The following GYPB variants were observed in gnomAD, a reference collection of about 807,000 sequenced individuals.
The protein encoded by GYPB is glycophorin-B.
In GYPB, 13 loss-of-function variants were observed where a neutral mutation model predicts 15.3. The observed-to-expected ratio is 0.85, with a 90% CI of 0.55 to 1.35. The LOEUF is 1.35. Ranked by LOEUF, GYPB falls within the 40% of genes most tolerant of loss-of-function variation. The pLI, the probability that GYPB is intolerant of heterozygous loss-of-function variation, is 0.00. For synonymous variants in GYPB, 38 were observed against 36.9 expected (o/e 1.03, Z -0.11); for missense variants, 131 against 108.3 (o/e 1.21, Z -0.93).
At chr4:144,003,901 G>T (rs1287270101) in intron 1 of GYPB, among the ~76,000 whole-genome samples, 2 of 151,370 alleles carry the variant, frequency 1.3e-5, no homozygotes, top group Non-Finnish European at 2.9e-5. Context: ...TTTCCAGCTG[G>T]ATCTACATGC....
rs1727797839 is a variant in GYPB at position 144,004,598 on chromosome 4, T to G, written c.38-3315A>C. Reference sequence around the variant, plus strand: ...CCTTCAAATTAAATAAACCAGCATCTGGTTGAAAAAAAAAAAACACTTATC... The same window carrying G: ...CCTTCAAATTAAATAAACCAGCATCGGGTTGAAAAAAAAAAAACACTTATC... On this transcript the variant is annotated intron_variant, in intron 1 of 4. Transcript: ENST00000502664. Among the ~76,000 whole-genome samples the G allele has an allele frequency of 4.0e-5, 3 of 75,136 alleles. No individual in the cohort carries two copies. The South Asian group carries it at 1.8e-3, about 45-fold the overall frequency. The allele number at this position is 75,136 out of a possible 152,430, so 49.3% of individuals were successfully genotyped here. A position where few individuals can be genotyped will look rare whatever the true frequency, so the allele number is the denominator to read the frequency against.
At chr4:143,999,521 A>G (rs913962321) in intron 2 of GYPB, 72 bp from the exon 3 acceptor site, 3 of 814,766 alleles carry the variant, frequency 3.7e-6, no homozygotes, top group Non-Finnish European at 6.2e-6. Context: ...TTTTGGAATC[A>G]AACTGTTCTG....
At chr4:144,008,380 A>G (rs1184597615) in intron 1 of GYPB, 1 of 455,158 alleles carries the variant, frequency 2.2e-6, no homozygotes, top group Non-Finnish European at 4.4e-6. Flanking sequence ...AGATATAAAG[A>G]TAATAATTCA....
intron 1 of GYPB, among the ~76,000 whole-genome samples, chr4:144,009,912 C>T (rs1728131674): frequency 6.7e-6 from 1 of 149,712 alleles, no homozygotes; most frequent in South Asian, 2.2e-4. Flanking sequence ...TGTACCCGGC[C>T]TATTTTGATT....
chr4:143,998,664 T>C (rs1190060687), intron 3 of GYPB, among the ~76,000 whole-genome samples: 4 of 139,788 alleles, frequency 2.9e-5, no homozygotes, highest in Non-Finnish European at 4.6e-5. Flanking sequence ...AGTGGTTGCA[T>C]TGGGCCAAAA....
rs1727373606 is a variant in GYPB, at chr4:143,997,282, A to C, written c.270+258T>G. 9.1e-6 allele frequency: 3 copies of C among 329,158 alleles called. No individual in the cohort carries two copies. In the South Asian group the frequency reaches 1.2e-4, roughly 13 times the overall value. 20.4% of individuals were successfully genotyped at this position (329,158 alleles called of 1,614,324 possible). On this transcript the variant is annotated intron_variant, in intron 4 of 4. Coordinates refer to ENST00000502664, the MANE Select transcript of GYPB (RefSeq NM_002100.6). ...AATATCCATCAAAATATGTGAAAGC[A>C]AGTTAGACAAAAACTTAGGGAGATC... is the stretch of plus-strand genomic sequence containing the variant.
At chr4:143,995,761 C>A (rs752939607), downstream of GYPB, among the ~76,000 whole-genome samples, 6 of 151,354 alleles carry the variant, frequency 4.0e-5, no homozygotes, top group Non-Finnish European at 8.8e-5. Flanking sequence ...TATCAAAAAT[C>A]TGGTTTTTGA....
At chr4:144,003,109 A>G (rs780845551) in intron 1 of GYPB, among the ~76,000 whole-genome samples, 5 of 151,572 alleles carry the variant, frequency 3.3e-5, no homozygotes, top group Non-Finnish European at 7.3e-5. Flanking sequence ...AAAATTACAG[A>G]AAGACATTTT....
intron 1 of GYPB, among the ~76,000 whole-genome samples, chr4:144,005,391 A>G (rs1430899761): frequency 2.0e-5 from 3 of 151,966 alleles, no homozygotes; most frequent in Non-Finnish European, 4.4e-5. Flanking sequence ...CATATTGTAC[A>G]TACAAAAAAG....
chr4:143,996,957 A>G (rs1454982331), intron 4 of GYPB, among the ~76,000 whole-genome samples: 1 of 150,852 alleles, frequency 6.6e-6, no homozygotes, highest in African/African-American at 2.5e-5. Flanking sequence ...CCCAGGCTGG[A>G]GTGCAGTAGC....
At chr4:144,004,792 A>G (rs1727809253) in intron 1 of GYPB, among the ~76,000 whole-genome samples, 1 of 151,874 alleles carries the variant, frequency 6.6e-6, no homozygotes, top group South Asian at 2.1e-4. Context: ...GATTCCTAAG[A>G]CCCTAACCAG....
chr4:144,010,930 C>T (rs1016577495), intron 1 of GYPB, among the ~76,000 whole-genome samples: 1 of 151,318 alleles, frequency 6.6e-6, no homozygotes, highest in African/African-American at 2.5e-5. Flanking sequence ...GCAAATAAAA[C>T]ATAGTATATA....
downstream of GYPB, among the ~76,000 whole-genome samples, chr4:143,995,907 A>G (rs1273384807): frequency 6.6e-6 from 1 of 151,090 alleles, no homozygotes; most frequent in African/African-American, 2.5e-5. Context: ...TTCTTTTCCA[A>G]TATATTTCAC....
chr4:143,997,445 G>A (rs1444573981), intron 4 of GYPB, 95 bp downstream of exon 4: 33 of 738,496 alleles, frequency 4.5e-5, no homozygotes, highest in Non-Finnish European at 7.9e-5. Flanking sequence ...ATGCAGTTCT[G>A]TTTCTCTTCT....
downstream of GYPB, among the ~76,000 whole-genome samples, chr4:143,995,479 G>A (rs974803833): frequency 4.8e-4 from 72 of 151,222 alleles, 4 homozygotes; most frequent in African/African-American, 1.3e-3. Context: ...AAGAGGAAAC[G>A]TGCTGCACAT....
At chr4:144,003,075 T>A (rs1727709312) in intron 1 of GYPB, among the ~76,000 whole-genome samples, 3 of 151,550 alleles carry the variant, frequency 2.0e-5, no homozygotes, top group Admixed American at 2.0e-4. Context: ...ATAGGGATTT[T>A]GAAGTTTAAC....
At chr4:144,005,022 C>T (rs1272389301) in intron 1 of GYPB, among the ~76,000 whole-genome samples, 1 of 151,950 alleles carries the variant, frequency 6.6e-6, no homozygotes, top group Non-Finnish European at 1.5e-5. Context: ...TTATTTTTAT[C>T]TCTTTGCCTT....
chr4:143,997,484 C>G, intron 4 of GYPB, 56 bp downstream of exon 4: 1 of 939,402 alleles, frequency 1.1e-6, no homozygotes, highest in Admixed American at 1.7e-5. Context: ...AGGAATAAAC[C>G]CTCCTAGAGC....
intron 3 of GYPB, 78 bp from the exon 4 acceptor site, chr4:143,997,712 G>A (rs1467650422): frequency 3.6e-5 from 28 of 782,448 alleles, no homozygotes; most frequent in Non-Finnish European, 6.5e-5. Context: ...GATAACATCA[G>A]CATAACATCA....
Sources: allele counts gnomAD v4.1 joint callset (sites outside exome capture counted in the v4.1 genomes callset), GRCh38; gene constraint gnomAD v4.1.1; transcripts MANE v1.5; gene names NCBI Gene and HGNC (gene_info 2026-07-23, HGNC 2026-07-21).